Variants in PYROXD2 observed in about 807,000 individuals in gnomAD.
The protein encoded by PYROXD2 is pyridine nucleotide-disulfide oxidoreductase domain-containing protein 2.
PYROXD2 carries 69 observed loss-of-function variants against 71.1 expected under a neutral mutation model. That is an observed-to-expected ratio of 0.97 (90% CI 0.80 to 1.19). The LOEUF (loss-of-function observed/expected upper bound fraction) is 1.19, where lower values mean the gene tolerates loss of function less well. Among genes scored for constraint, PYROXD2 ranks in the 50% most tolerant of loss-of-function variants. The pLI is 0.00. For synonymous variants in PYROXD2, 287 were observed against 302.7 expected (o/e 0.95, Z 0.54); for missense variants, 745 against 748.9 (o/e 0.99, Z 0.06).
chr10:98,398,714 G>A (rs189396858), intron 5 of PYROXD2, among the ~76,000 whole-genome samples: 18 of 152,300 alleles, frequency 1.2e-4, no homozygotes, highest in Admixed American at 5.2e-4. Context: ...CTGCAGGCCC[G>A]GGGACCTGGC....
Position 98,400,634 on chromosome 10 carries a change from C to T in PYROXD2, c.316-377G>A, listed in dbSNP as rs1432169869. ...TGATACCATACCATGCCATATCACACCACACTATGCCATGCCATGTCATAC... is the reference window on the plus strand; with the variant it reads ...TGATACCATACCATGCCATATCACATCACACTATGCCATGCCATGTCATAC... On this transcript the variant is annotated intron_variant, in intron 4 of 15. Coordinates refer to ENST00000370575, the MANE Select transcript of PYROXD2 (RefSeq NM_032709.3). Among the ~76,000 whole-genome samples, 3 of 152,130 alleles carry T rather than the reference C, an allele frequency of 2.0e-5. No individual in the cohort carries two copies. In the Middle Eastern group the frequency reaches 0.01, roughly 517 times the overall value.
intron 10 of PYROXD2, among the ~76,000 whole-genome samples, chr10:98,391,527 T>C (rs1331527669): frequency 1.3e-5 from 2 of 152,152 alleles, no homozygotes; most frequent in African/African-American, 4.8e-5. Flanking sequence ...CATGTGCGTA[T>C]ACATGTTATC....
At chr10:98,388,030 GCCTT>G in intron 13 of PYROXD2, 1 of 288,606 alleles carries the variant, frequency 3.5e-6, no homozygotes, top group Non-Finnish European at 6.6e-6. Context: ...TCCTTTGAAA[GCCTT>G]CCTTGTCTCT....
chr10:98,391,157 G>A (rs1842934151), intron 10 of PYROXD2, 75 bp from the exon 11 acceptor site: 1 of 972,456 alleles, frequency 1.0e-6, no homozygotes, highest in East Asian at 2.4e-5. Context: ...CTTTGCTCAG[G>A]AAGATCCCTC....
intron 14 of PYROXD2, among the ~76,000 whole-genome samples, chr10:98,386,997 G>C (rs1442486875): frequency 6.6e-6 from 1 of 152,192 alleles, no homozygotes; most frequent in Non-Finnish European, 1.5e-5. Flanking sequence ...TGTCCTGCCT[G>C]TGTTTCTGAG....
intron 8 of PYROXD2, 27 bp from the exon 9 acceptor site, chr10:98,393,110 C>A: frequency 6.7e-7 from 1 of 1,495,766 alleles, no homozygotes; most frequent in South Asian, 1.4e-5. Context: ...CGACTCAGAT[C>A]CTGGAGGTGG....
chr10:98,392,080 GATAAT>G (rs1435403832), intron 10 of PYROXD2, among the ~76,000 whole-genome samples: 1 of 152,180 alleles, frequency 6.6e-6, no homozygotes, highest in Non-Finnish European at 1.5e-5. Context: ...AATAATCATG[GATAAT>G]ATAACAGATC....
At chr10:98,403,143 G>A (rs1053194476) in intron 4 of PYROXD2, among the ~76,000 whole-genome samples, 3 of 152,238 alleles carry the variant, frequency 2.0e-5, no homozygotes, top group African/African-American at 7.2e-5. Flanking sequence ...GCCGGGGCCA[G>A]GAGACGGCTG....
In PYROXD2 at chr10:98,389,632, C is replaced by T. The variant is rs1842880074; in HGVS notation, c.1292+966G>A. Among the ~76,000 whole-genome samples the T allele has an allele frequency of 2.0e-5, 3 of 152,170 alleles. No individual in the cohort carries two copies. The South Asian group carries it at 6.2e-4, about 32-fold the overall frequency. ...CCCCAGGGCCTTTGCACCTGACCTT[C>T]CCTCTGTCTGGACGTTTTTTCCCCA... On this transcript the variant is annotated intron_variant, in intron 12 of 15. Transcript: ENST00000370575.
At chr10:98,396,681 C>T (rs373470126) in intron 6 of PYROXD2, among the ~76,000 whole-genome samples, 14 of 152,184 alleles carry the variant, frequency 9.2e-5, no homozygotes, top group African/African-American at 1.4e-4. Context: ...CTTATTCTAG[C>T]CACAGCCATG....
intron 6 of PYROXD2, 96 bp from the exon 7 acceptor site, chr10:98,395,548 T>G (rs2135964859): frequency 9.4e-7 from 1 of 1,067,202 alleles, no homozygotes; most frequent in South Asian, 1.3e-5. Flanking sequence ...ATGCTGAGAC[T>G]TCCTGCCAGG....
chr10:98,395,199 C>T lies in PYROXD2; in HGVS notation c.782G>A (p.Ser261Asn). Residue 261 changes from serine (S) to asparagine (N), a missense_variant, in exon 8 of 16, where the codon AGT becomes AAT. Ser to Asn is a conservative substitution (Grantham distance 46). Transcript: ENST00000370575. ...GAMTSPHTPG[S>N]GYVLLHHVMG... ...CCACCTCACCCCCCTCACTCACCCA[C>T]TCCCCGGAGTGTGGGGACTTGTCAT... 6.2e-7 allele frequency: 1 copy of T among 1,613,294 alleles called. No individual in the cohort carries two copies. Among genetic ancestry groups the T allele is most frequent in the East Asian group, 2.2e-5 (1 of 44,876 alleles).
At chr10:98,407,430 G>T in intron 4 of PYROXD2, 152 bp downstream of exon 4, 1 of 848,778 alleles carries the variant, frequency 1.2e-6, no homozygotes, top group Non-Finnish European at 1.8e-6. Context: ...AATGCAGCAG[G>T]GAGACCACGT....
intron 1 of PYROXD2, 183 bp downstream of exon 1, chr10:98,414,826 G>A: frequency 1.2e-6 from 1 of 860,622 alleles, no homozygotes; most frequent in Non-Finnish European, 1.7e-6. Context: ...CGGAATCCCA[G>A]GTGCCTGCCT....
intron 5 of PYROXD2, among the ~76,000 whole-genome samples, chr10:98,398,757 T>C (rs1327436028): frequency 6.6e-6 from 1 of 152,002 alleles, no homozygotes; most frequent in African/African-American, 2.4e-5. Flanking sequence ...GCCTCTGAGA[T>C]GGGTAGGATT....
rs1842923529 is a variant in PYROXD2 at position 98,390,814 on chromosome 10, G to A, written c.1136-60C>T. On this transcript the variant is annotated intron_variant, in intron 11 of 15. Transcript: ENST00000370575. ...CCACAAGGTCCTCCCTCTACAGCCA[G>A]CACCCTGCTACCCTCAGTGGCGGAC... The A allele has an allele frequency of 2.6e-6, 4 of 1,530,164 alleles. No individual in the cohort carries two copies. In the African/African-American group the frequency reaches 4.1e-5, roughly 16 times the overall value. The allele number at this position is 1,530,164 out of a possible 1,614,324, so 94.8% of individuals were successfully genotyped here.
At chr10:98,409,905 C>T (rs1334848859) in intron 2 of PYROXD2, among the ~76,000 whole-genome samples, 2 of 152,070 alleles carry the variant, frequency 1.3e-5, no homozygotes, top group East Asian at 3.9e-4. Flanking sequence ...TGGCGAAACC[C>T]CGTCTCTACT....
chr10:98,405,295 C>T (rs1323362201), intron 4 of PYROXD2, among the ~76,000 whole-genome samples: 5 of 151,988 alleles, frequency 3.3e-5, no homozygotes, highest in South Asian at 2.1e-4. Context: ...GGGACCACAG[C>T]GGGTCAGTGG....
At chr10:98,405,772 T>G (rs1302756621) in intron 4 of PYROXD2, among the ~76,000 whole-genome samples, 1 of 152,194 alleles carries the variant, frequency 6.6e-6, no homozygotes, top group Admixed American at 6.5e-5. Context: ...TGGGCGGTAT[T>G]GGTACCAAGA....
Sources: gnomAD v4.1 joint callset for allele counts (sites outside exome capture counted in the v4.1 genomes callset) on GRCh38, gnomAD v4.1.1 for gene constraint, MANE v1.5 for transcripts, NCBI Gene and HGNC (gene_info 2026-07-23, HGNC 2026-07-21) for gene names.